The following TNFSF4 variants were observed in gnomAD, a reference collection of about 807,000 sequenced individuals.
TNFSF4 encodes TNF superfamily member 4.
Under a neutral mutation model 7.3 loss-of-function variants are expected in TNFSF4, and 4 were observed. That is an observed-to-expected ratio of 0.55 (90% CI 0.27 to 1.25). TNFSF4 has a LOEUF of 1.25. Among genes scored for constraint, TNFSF4 ranks in the 50% most tolerant of loss-of-function variants. The pLI is 0.12. For synonymous variants in TNFSF4, 76 were observed against 83.7 expected (o/e 0.91, Z 0.50); for missense variants, 181 against 208.8 (o/e 0.87, Z 0.82).
chr1:173,358,049 G>T, the TNFSF4 span, among the ~76,000 whole-genome samples: 1 of 152,154 alleles, frequency 6.6e-6, no homozygotes, highest in African/African-American at 2.4e-5. Context: ...TTGAGATGGG[G>T]GGGGGTATCC....
chr1:173,321,488 TA>T, the TNFSF4 span, among the ~76,000 whole-genome samples: 1 of 152,096 alleles, frequency 6.6e-6, no homozygotes. Flanking sequence ...GGGATCTAAT[TA>T]AACTAAAGAG....
chr1:173,217,113 C>G, the TNFSF4 span, among the ~76,000 whole-genome samples: 1 of 152,198 alleles, frequency 6.6e-6, no homozygotes, highest in Non-Finnish European at 1.5e-5. Context: ...ACACTCTTCT[C>G]TTAGCACAGA....
the TNFSF4 span, among the ~76,000 whole-genome samples, chr1:173,255,371 A>G: frequency 1.3e-5 from 2 of 152,226 alleles, no homozygotes; most frequent in South Asian, 4.1e-4. Flanking sequence ...AACCTAATTT[A>G]TGGGACTGTA....
the TNFSF4 span, among the ~76,000 whole-genome samples, chr1:173,306,818 C>A: frequency 6.6e-6 from 1 of 151,838 alleles, no homozygotes; most frequent in Admixed American, 6.6e-5. Context: ...CCTTGTCAGG[C>A]CAGATGCTAG....
At chr1:173,316,521 C>T in the TNFSF4 span, among the ~76,000 whole-genome samples, 1 of 151,978 alleles carries the variant, frequency 6.6e-6, no homozygotes, top group East Asian at 1.9e-4. Context: ...AACTTCCTGC[C>T]AAACCACACC....
chr1:173,307,685 G>A, the TNFSF4 span, among the ~76,000 whole-genome samples: 1 of 151,714 alleles, frequency 6.6e-6, no homozygotes, highest in African/African-American at 2.4e-5. Flanking sequence ...TAGCCACAAA[G>A]GGACATGATA....
the TNFSF4 span, among the ~76,000 whole-genome samples, chr1:173,377,208 G>A: frequency 6.6e-6 from 1 of 152,160 alleles, no homozygotes; most frequent in Non-Finnish European, 1.5e-5. Context: ...ACCAAGCGGT[G>A]AGTACCATTG....
chr1:173,388,912 G>A, the TNFSF4 span, among the ~76,000 whole-genome samples: 2 of 152,114 alleles, frequency 1.3e-5, no homozygotes, highest in African/African-American at 4.8e-5. Context: ...AAACTAAAAA[G>A]TTTCAGAACT....
the TNFSF4 span, among the ~76,000 whole-genome samples, chr1:173,277,905 G>A: frequency 6.6e-6 from 1 of 152,040 alleles, no homozygotes; most frequent in African/African-American, 2.4e-5. Context: ...AAATGTTCCT[G>A]GCAGAAATAG....
the TNFSF4 span, among the ~76,000 whole-genome samples, chr1:173,173,209 C>G: frequency 0.32 from 48,943 of 151,948 alleles, 10,039 homozygotes; most frequent in African/African-American, 0.58. Context: ...TACCCCTGGT[C>G]CCTCCCAAAT....
At chr1:173,422,682 A>C in the TNFSF4 span, among the ~76,000 whole-genome samples, 13 of 152,334 alleles carry the variant, frequency 8.5e-5, no homozygotes, top group East Asian at 2.3e-3. Context: ...GCAAAGGTGC[A>C]GACTTAAAAC....
chr1:173,429,017 A>AAAAG, the TNFSF4 span, among the ~76,000 whole-genome samples: 11 of 152,084 alleles, frequency 7.2e-5, no homozygotes, highest in Admixed American at 2.6e-4. Context: ...AGGAAAAAAA[A>AAAAG]AAAGAAAGAA....
the TNFSF4 span, among the ~76,000 whole-genome samples, chr1:173,303,548 C>T: frequency 6.6e-6 from 1 of 151,888 alleles, no homozygotes; most frequent in Admixed American, 6.6e-5. Flanking sequence ...GATGACGGCG[C>T]TCCTGCTCTA....
At chr1:173,443,868 G>A in the TNFSF4 span, among the ~76,000 whole-genome samples, 1 of 152,182 alleles carries the variant, frequency 6.6e-6, no homozygotes, top group Non-Finnish European at 1.5e-5. Context: ...TCACTTCAGT[G>A]CTGACTGTGC....
the TNFSF4 span, among the ~76,000 whole-genome samples, chr1:173,173,463 T>C: frequency 6.6e-6 from 1 of 152,204 alleles, no homozygotes; most frequent in African/African-American, 2.4e-5. Flanking sequence ...ACAAAGGGGC[T>C]ACAGTCTCCT....
the TNFSF4 span, among the ~76,000 whole-genome samples, chr1:173,243,978 C>A: frequency 6.6e-6 from 1 of 152,216 alleles, no homozygotes; most frequent in Non-Finnish European, 1.5e-5. Context: ...GAACAGGGAG[C>A]AGCTTCTTGC....
At chr1:173,414,946 T>C in the TNFSF4 span, among the ~76,000 whole-genome samples, 1 of 151,964 alleles carries the variant, frequency 6.6e-6, no homozygotes, top group African/African-American at 2.4e-5. Context: ...GAGCCAAGTT[T>C]TAGCAATGAA....
chr1:173,276,251 G>A, the TNFSF4 span, among the ~76,000 whole-genome samples: 1 of 152,048 alleles, frequency 6.6e-6, no homozygotes, highest in South Asian at 2.1e-4. Context: ...TCCAAATTAA[G>A]CCTGTTTCTG....
the TNFSF4 span, among the ~76,000 whole-genome samples, chr1:173,256,989 T>G: frequency 6.6e-6 from 1 of 152,252 alleles, no homozygotes; most frequent in South Asian, 2.1e-4. Context: ...GGGACTAAAG[T>G]CATCTTCTTG....
Sources: gnomAD v4.1 joint callset for allele counts (sites outside exome capture counted in the v4.1 genomes callset) on GRCh38, gnomAD v4.1.1 for gene constraint, MANE v1.5 for transcripts, NCBI Gene and HGNC (gene_info 2026-07-23, HGNC 2026-07-21) for gene names.